Variants in DYNC1H1 observed in about 807,000 individuals in gnomAD.
DYNC1H1 encodes dynein cytoplasmic 1 heavy chain 1.
In DYNC1H1, 51 loss-of-function variants were observed where a neutral mutation model predicts 527.1. The observed-to-expected ratio is 0.10, with a 90% CI of 0.08 to 0.12. DYNC1H1 has a LOEUF of 0.12. DYNC1H1 is among the 10% of genes least tolerant of loss of function. The pLI, the probability that DYNC1H1 is intolerant of heterozygous loss-of-function variation, is 1.00. For missense variants in DYNC1H1, 2,771 were observed against 5,971.8 expected (o/e 0.46, Z 17.66); for synonymous variants, 2,189 against 2,278.8 (o/e 0.96, Z 1.12).
rs2048623261 is a variant in DYNC1H1 at position 102,039,814 on chromosome 14, A to T, written c.11690+82A>T. The T allele has an allele frequency of 7.0e-7, 1 of 1,424,698 alleles. No homozygotes were observed. The highest frequency in any genetic ancestry group is 9.7e-7 in the Non-Finnish European group (1 of 1,027,074). 88.3% of individuals were successfully genotyped at this position (1,424,698 alleles called of 1,614,324 possible). ...TCATGATCAGATACATGCTTTTATT[A>T]TTTCTTTTATTTTCTCTTTTATTTT... On this transcript the variant is annotated intron_variant, in intron 62 of 77. Transcript: ENST00000360184. The surrounding 1 kb of genome is among the most constrained non-coding windows in gnomAD (Gnocchi z 7.0).
intron 5 of DYNC1H1, among the ~76,000 whole-genome samples, chr14:101,981,705 A>G (rs559893214): frequency 2.6e-5 from 4 of 152,344 alleles, no homozygotes; most frequent in African/African-American, 9.6e-5. Context: ...TTACATGCGC[A>G]TTCACTATGC....
intron 27 of DYNC1H1, among the ~76,000 whole-genome samples, chr14:102,006,684 T>A (rs943237587): frequency 2.6e-5 from 4 of 151,920 alleles, no homozygotes; most frequent in Non-Finnish European, 4.4e-5. Flanking sequence ...CATTGCAACC[T>A]CTGCCTCCCG....
intron 72 of DYNC1H1, chr14:102,047,521 A>C: frequency 4.9e-6 from 1 of 202,304 alleles, no homozygotes; most frequent in South Asian, 8.1e-5. Context: ...TGGGTGACAG[A>C]GCGAGACTCC....
chr14:102,000,176 C>CG, intron 17 of DYNC1H1, 32 bp downstream of exon 17: 1 of 1,613,986 alleles, frequency 6.2e-7, no homozygotes, highest in Non-Finnish European at 8.5e-7. Context: ...GTGGAGAATC[C>CG]CGCTCCCCAC....
rs2047721622 is a variant in DYNC1H1 at position 101,970,470 on chromosome 14, GTTGTTTT to G, written c.257-5239_257-5233del. Among the ~76,000 whole-genome samples the G allele has an allele frequency of 3.1e-5, 3 of 96,308 alleles. 1 individual carries two copies. Among genetic ancestry groups the G allele is most frequent in the African/African-American group, 1.4e-4 (3 of 21,048 alleles). 63.2% of individuals were successfully genotyped at this position (96,308 alleles called of 152,430 possible). Reference sequence around the variant, plus strand: ...GTGGTATTAGTATGTTTGGTTTGTTGTTGTTTTTTTTTTTTTTTTTTTTTTTTTTTGA... The same window carrying G: ...GTGGTATTAGTATGTTTGGTTTGTTGTTTTTTTTTTTTTTTTTTTTTTTGA... On this transcript the variant is annotated intron_variant, in intron 1 of 77. Coordinates refer to ENST00000360184, the MANE Select transcript of DYNC1H1 (RefSeq NM_001376.5).
intron 1 of DYNC1H1, among the ~76,000 whole-genome samples, chr14:101,973,348 T>C (rs1231996595): frequency 3.3e-5 from 5 of 152,034 alleles, no homozygotes; most frequent in African/African-American, 9.7e-5. Flanking sequence ...TTAGTAGGTA[T>C]AGGGTTTCAC....
rs759462206 is a variant in DYNC1H1, at chr14:102,049,486, G to C, written c.13419G>C (p.Met4473Ile). The change falls in exon 75 of 78, where the codon ATG becomes ATC. Residue 4473 changes from methionine to isoleucine, a missense_variant. Met to Ile is a conservative substitution (Grantham distance 10). Transcript: ENST00000360184. The surrounding 1 kb of genome is among the most constrained non-coding windows in gnomAD (Gnocchi z 5.5). ...CCCACTACACGGTGCCTGCCGGCAT[G>C]ACCGTCATCCAGTGGGTGTCCGACT... ...SWSHYTVPAG[M>I]TVIQWVSDFS... is the part of the protein sequence containing the mutation. 1 of 1,614,190 alleles carries C rather than the reference G, an allele frequency of 6.2e-7. No homozygotes were observed. Among genetic ancestry groups the C allele is most frequent in the South Asian group, 1.1e-5 (1 of 91,064 alleles).
chr14:102,048,324 T>G, intron 73 of DYNC1H1, 192 bp from the exon 74 acceptor site: 1 of 815,444 alleles, frequency 1.2e-6, no homozygotes. Context: ...GGCAGGGGCC[T>G]CAGCGGGTTT....
rs569978134 is a variant in DYNC1H1, at chr14:101,979,003, G to T, written c.345-316G>T. Among the ~76,000 whole-genome samples the T allele has an allele frequency of 6.6e-6, 1 of 152,322 alleles. No individual in the cohort carries two copies. The highest frequency in any genetic ancestry group is 1.9e-4 in the East Asian group (1 of 5,184). On this transcript the variant is annotated intron_variant, in intron 2 of 77. Coordinates refer to ENST00000360184, the MANE Select transcript of DYNC1H1 (RefSeq NM_001376.5). This position sits in a 1 kb window ranked among gnomAD's most constrained non-coding sequence, Gnocchi z 4.6. The stretch of plus-strand genomic sequence containing the variant: ...CCAGTGAGCAACTTTTGTTTACTTA[G>T]TACAGTAAATAAATGTTACACATTA...
In DYNC1H1 at chr14:102,010,601, G is replaced by A. The variant is rs530131186; in HGVS notation, c.6406-139G>A. 2.7e-6 allele frequency: 4 copies of A among 1,491,334 alleles called. No homozygotes were observed. In the East Asian group the frequency reaches 9.7e-5, roughly 36 times the overall value. 92.4% of individuals were successfully genotyped at this position (1,491,334 alleles called of 1,614,324 possible). On this transcript the variant is annotated intron_variant, in intron 31 of 77. Coordinates refer to ENST00000360184, the MANE Select transcript of DYNC1H1 (RefSeq NM_001376.5). This position sits in a 1 kb window ranked among gnomAD's most constrained non-coding sequence, Gnocchi z 6.0. Reference sequence around the variant, plus strand: ...AAATAGACTGTAATGTTGACCCAGTGAGTCGAGTGCACGAATGTGGGCGAG... The same window carrying A: ...AAATAGACTGTAATGTTGACCCAGTAAGTCGAGTGCACGAATGTGGGCGAG...
rs1166858422 is a variant in DYNC1H1, at chr14:102,027,201, G to A, written c.8799G>A (p.Leu2933=). 6.2e-7 allele frequency: 1 copy of A among 1,613,948 alleles called. No individual in the cohort carries two copies. The highest frequency in any genetic ancestry group is 8.5e-7 in the Non-Finnish European group (1 of 1,180,006). Residue 2933 remains leucine, a synonymous_variant, in exon 45 of 78, where the codon TTG becomes TTA. Coordinates refer to ENST00000360184, the MANE Select transcript of DYNC1H1 (RefSeq NM_001376.5). This position sits in a 1 kb window ranked among gnomAD's most constrained non-coding sequence, Gnocchi z 7.7. The part of the protein sequence containing the change: ...DRIFRQPQGH[L]LLIGVSGAGK... ...TATTCCGTCAACCTCAAGGCCACTT[G>A]CTTCTGATTGGTGTTAGTGGAGCAG...
intron 34 of DYNC1H1, among the ~76,000 whole-genome samples, chr14:102,014,782 G>A (rs1027416626): frequency 6.6e-6 from 1 of 152,174 alleles, no homozygotes; most frequent in Non-Finnish European, 1.5e-5. Flanking sequence ...CTGTAGTGAT[G>A]TGAGCTGTAG....
chr14:102,048,964 G>C (rs952584497), intron 74 of DYNC1H1: 1 of 474,902 alleles, frequency 2.1e-6, no homozygotes, highest in Admixed American at 3.3e-5. Flanking sequence ...TGGTGGTCCA[G>C]GATGGTGACA....
In DYNC1H1 at chr14:102,011,835, C is replaced by T. The variant is rs1242236518; in HGVS notation, c.6619-40C>T. The T allele has an allele frequency of 1.9e-6, 3 of 1,607,014 alleles. No individual in the cohort carries two copies. Among genetic ancestry groups the T allele is most frequent in the African/African-American group, 2.7e-5 (2 of 74,782 alleles). On this transcript the variant is annotated intron_variant, in intron 32 of 77. Coordinates refer to ENST00000360184, the MANE Select transcript of DYNC1H1 (RefSeq NM_001376.5). The surrounding 1 kb of genome is among the most constrained non-coding windows in gnomAD (Gnocchi z 5.3). ...GGGCGAGGAGCTGTCCCCATTCCTC[C>T]TCTGGGATGGTCACTGTGCTGGTCT... is the stretch of plus-strand genomic sequence containing the variant.
Position 102,026,726 on chromosome 14 carries a change from A to T in DYNC1H1, c.8771+19A>T. 1 of 1,612,788 alleles carries T rather than the reference A, an allele frequency of 6.2e-7. No individual in the cohort carries two copies. Among genetic ancestry groups the T allele is most frequent in the Non-Finnish European group, 8.5e-7 (1 of 1,179,488 alleles). On this transcript the variant is annotated intron_variant, in intron 44 of 77. Coordinates refer to ENST00000360184, the MANE Select transcript of DYNC1H1 (RefSeq NM_001376.5). Reference sequence around the variant, plus strand: ...TTGACAGGTGGGCTTTTTTGTTGTTACAGCCCCACCTCTCGCCTAAGCTGC... The same window carrying T: ...TTGACAGGTGGGCTTTTTTGTTGTTTCAGCCCCACCTCTCGCCTAAGCTGC...
In DYNC1H1 at chr14:101,987,606, A is replaced by G. The variant is rs1235292023; in HGVS notation, c.2692A>G (p.Ile898Val). 1.2e-6 allele frequency: 2 copies of G among 1,614,078 alleles called. No homozygotes were observed. The highest frequency in any genetic ancestry group is 1.7e-6 in the Non-Finnish European group (2 of 1,180,042). ...TCTGCACTCCTATTCCAATTTGCCC[A>G]TCTGGGTCAACAAGCTTGACATGGA... Reference protein sequence around the residue: ...LNLHSYSNLPIWVNKLDMEIE... With the variant: ...LNLHSYSNLPVWVNKLDMEIE... The change falls in exon 9 of 78, where the codon ATC (isoleucine) becomes GTC (valine). Residue 898 changes from isoleucine (I) to valine (V), a missense_variant. Ile to Val is a conservative substitution (Grantham distance 29). This residue lies in a region of DYNC1H1 where 179 missense variants were observed against 349.4 expected (regional missense o/e 0.51). Coordinates refer to ENST00000360184, the MANE Select transcript of DYNC1H1 (RefSeq NM_001376.5).
chr14:102,017,645 T>G lies in DYNC1H1; in HGVS notation c.8177+141T>G. On this transcript the variant is annotated intron_variant, in intron 40 of 77. Transcript: ENST00000360184. The surrounding 1 kb of genome is among the most constrained non-coding windows in gnomAD (Gnocchi z 4.6). ...GGATTCCTCTTGGGTTACTTCTCTG[T>G]GCTGTAATGCCAGGAAAACATGTTA... The G allele has an allele frequency of 6.9e-7, 1 of 1,444,636 alleles. No individual in the cohort carries two copies. The highest frequency in any genetic ancestry group is 9.6e-7 in the Non-Finnish European group (1 of 1,042,768). The allele number at this position is 1,444,636 out of a possible 1,614,324, so 89.5% of individuals were successfully genotyped here. A position where few individuals can be genotyped will look rare whatever the true frequency, so the allele number is the denominator to read the frequency against.
rs1280850011 is a variant in DYNC1H1 at position 101,991,750 on chromosome 14, GC to G, written c.3015+78del. On this transcript the variant is annotated intron_variant, in intron 11 of 77. Transcript: ENST00000360184. ...CTCTGTGATACCACTTCTTCATGGT[GC>G]TTCTTTAGATAAGCTCTTGATGTTG... 4.5e-5 allele frequency: 71 copies of G among 1,585,764 alleles called. No individual in the cohort carries two copies. The African/African-American group carries it at 7.6e-4, about 17-fold the overall frequency.
At position 102,017,878 on chromosome 14, in the gene DYNC1H1, G is replaced by A. The variant is rs1036604949; in HGVS notation, c.8177+374G>A. On this transcript the variant is annotated intron_variant, in intron 40 of 77. Coordinates refer to ENST00000360184, the MANE Select transcript of DYNC1H1 (RefSeq NM_001376.5). This position sits in a 1 kb window ranked among gnomAD's most constrained non-coding sequence, Gnocchi z 4.6. ...TCCCAGCACTTTGGGAGGCCGAAGC[G>A]GGCAGATCACGAGGTCAGGAGGTTG... is the stretch of plus-strand genomic sequence containing the variant. The A allele has an allele frequency of 3.2e-5, 11 of 339,644 alleles. No individual in the cohort carries two copies. Among genetic ancestry groups the A allele is most frequent in the Non-Finnish European group, 5.1e-5 (9 of 175,396 alleles). 21.0% of individuals were successfully genotyped at this position (339,644 alleles called of 1,614,324 possible).
Sources: allele counts gnomAD v4.1 joint callset (sites outside exome capture counted in the v4.1 genomes callset), GRCh38; gene constraint gnomAD v4.1.1; regional missense constraint gnomAD v4.1.1; non-coding constraint Gnocchi (gnomAD v3.1); transcripts MANE v1.5; gene names NCBI Gene and HGNC (gene_info 2026-07-23, HGNC 2026-07-21).